Variants in MCF2L observed in about 807,000 individuals in gnomAD.
MCF2L encodes MCF.2 cell line derived transforming sequence like.
Under a neutral mutation model 153.4 loss-of-function variants are expected in MCF2L, and 97 were observed. The observed-to-expected ratio is 0.63, with a 90% CI of 0.54 to 0.75. MCF2L has a LOEUF of 0.75. Among genes scored for constraint, MCF2L ranks in the 30% least tolerant of loss-of-function variants. The pLI is 0.00. For synonymous variants in MCF2L, 659 were observed against 632.2 expected, an observed-to-expected ratio of 1.04 and a Z score of -0.64; for missense variants, 1,347 against 1,495.2, an observed-to-expected ratio of 0.90 and a Z score of 1.64.
At chr13:113,057,969 T>TTTGGGTGCTGAGTG (rs1437356467) in intron 4 of MCF2L, among the ~76,000 whole-genome samples, 1 of 130,062 alleles carries the variant, frequency 7.7e-6, no homozygotes, top group Non-Finnish European at 1.6e-5. Flanking sequence ...TTTGGCACTG[T>TTTGGGTGCTGAGTG]TTGGGTGCTG....
Position 113,027,398 on chromosome 13 carries a change from C to T in MCF2L, c.278+2640C>T, listed in dbSNP as rs1337686076. On this transcript the variant is annotated intron_variant, in intron 3 of 29. Transcript: ENST00000535094. This position sits in a 1 kb window ranked among gnomAD's most constrained non-coding sequence, Gnocchi z 4.8. ...GAGCTGGAGGAGCAGGGAGCCTCAC[C>T]GGTGGGCCTTTCGGGGGCAGGACGT... Among the ~76,000 whole-genome samples the T allele has an allele frequency of 2.0e-5, 3 of 151,736 alleles. No homozygotes were observed. The Middle Eastern group carries it at 0.01, about 516-fold the overall frequency.
chr13:112,962,340 C>G (rs2081841731), intron 2 of MCF2L, among the ~76,000 whole-genome samples: 1 of 152,254 alleles, frequency 6.6e-6, no homozygotes, highest in Non-Finnish European at 1.5e-5. Flanking sequence ...CCTGCACACA[C>G]ACATACAAAC....
At position 113,070,853 on chromosome 13, in the gene MCF2L, T is replaced by C. The variant is rs937802329; in HGVS notation, c.996+680T>C. 3.9e-5 allele frequency among the ~76,000 whole-genome samples: 6 copies of C among 152,228 alleles called. No individual in the cohort carries two copies. Among genetic ancestry groups the C allele is most frequent in the Admixed American group, 2.6e-4 (4 of 15,286 alleles). On this transcript the variant is annotated intron_variant, in intron 9 of 29. Transcript: ENST00000535094. The surrounding 1 kb of genome is among the most constrained non-coding windows in gnomAD (Gnocchi z 5.6). ...CACCTGTTGAAGGGTATCTGGGTTG[T>C]TTCCGGATTTGAGTATTACAGATAA...
chr13:113,075,222 C>T (rs762636866), intron 11 of MCF2L, 33 bp downstream of exon 11: 9 of 1,551,338 alleles, frequency 5.8e-6, no homozygotes, highest in South Asian at 2.4e-5. Flanking sequence ...CCACTCCCCC[C>T]CAGCTGCGGA....
At chr13:112,946,876 A>G (rs1031318949) in intron 2 of MCF2L, among the ~76,000 whole-genome samples, 1 of 152,178 alleles carries the variant, frequency 6.6e-6, no homozygotes, top group Non-Finnish European at 1.5e-5. Context: ...TAGGAAGCAC[A>G]CACAGGACAA....
intron 1 of MCF2L, among the ~76,000 whole-genome samples, chr13:112,975,359 T>C (rs2082178468): frequency 6.6e-6 from 1 of 152,238 alleles, no homozygotes; most frequent in Non-Finnish European, 1.5e-5. Context: ...TAGGTTAAAA[T>C]CACTGGTGCT....
At chr13:113,038,593 T>G (rs1313746211) in intron 3 of MCF2L, among the ~76,000 whole-genome samples, 1 of 152,218 alleles carries the variant, frequency 6.6e-6, no homozygotes, top group African/African-American at 2.4e-5. Flanking sequence ...ATAGATCGAA[T>G]GCAGTTCCCA....
chr13:113,078,556 C>T (rs755447205), intron 14 of MCF2L, 110 bp from the exon 15 acceptor site: 245 of 1,382,190 alleles, frequency 1.8e-4, no homozygotes, highest in Non-Finnish European at 2.4e-4. Flanking sequence ...AGCTCCCCAT[C>T]GTGGGAATTC....
At chr13:112,978,884 GC>G (rs2082302792) in intron 1 of MCF2L, among the ~76,000 whole-genome samples, 1 of 152,168 alleles carries the variant, frequency 6.6e-6, no homozygotes, top group African/African-American at 2.4e-5. Flanking sequence ...GAGGCCTGGA[GC>G]CCTGTGTGTG....
intron 1 of MCF2L, among the ~76,000 whole-genome samples, chr13:113,010,917 C>G (rs1566730853): frequency 6.6e-6 from 1 of 152,210 alleles, no homozygotes; most frequent in Non-Finnish European, 1.5e-5. Flanking sequence ...AACTGAGTGG[C>G]CACTATTGTT....
intron 29 of MCF2L, 25 bp from the exon 30 acceptor site, chr13:113,096,749 C>G (rs2035701670): frequency 2.6e-6 from 4 of 1,559,440 alleles, no homozygotes; most frequent in Non-Finnish European, 3.4e-6. Context: ...ACGCCGAAGC[C>G]CGTCCCCGCC....
intron 8 of MCF2L, among the ~76,000 whole-genome samples, chr13:113,066,913 C>A (rs76866090): frequency 0.012 from 1,882 of 152,314 alleles, 46 homozygotes; most frequent in African/African-American, 0.043. Context: ...CCTTTGACTC[C>A]CACGCAGCGT....
chr13:113,026,804 G>T, intron 3 of MCF2L: 1 of 616,902 alleles, frequency 1.6e-6, no homozygotes, highest in Non-Finnish European at 2.9e-6. Context: ...TTTTTGTTTT[G>T]TTCCAGACAG....
chr13:112,973,600 G>A (rs947655107), intron 1 of MCF2L, among the ~76,000 whole-genome samples: 2 of 152,212 alleles, frequency 1.3e-5, no homozygotes, highest in Non-Finnish European at 2.9e-5. Context: ...CAGCGCTCAG[G>A]CCTCCCAGCT....
intron 1 of MCF2L, among the ~76,000 whole-genome samples, chr13:112,986,766 C>T (rs1286008942): frequency 5.9e-5 from 9 of 152,244 alleles, no homozygotes; most frequent in African/African-American, 2.2e-4. Flanking sequence ...CTCAGTCCTG[C>T]AGCCGGGTCT....
At chr13:113,039,566 C>T (rs1468469155) in intron 3 of MCF2L, among the ~76,000 whole-genome samples, 1 of 152,156 alleles carries the variant, frequency 6.6e-6, no homozygotes, top group Non-Finnish European at 1.5e-5. Flanking sequence ...TTGCAATATG[C>T]ACATCCAATA....
In MCF2L at chr13:112,960,329, G is replaced by A. The variant is rs554703432; in HGVS notation, c.170-54434G>A. ...TCACAACTGAAACAGCGCTCGTCCA[G>A]TCATGAGGGCAGGGTCCTCAGACCT... On this transcript the variant is annotated intron_variant, in intron 2 of 29. Transcript: ENST00000375608. The surrounding 1 kb of genome is among the most constrained non-coding windows in gnomAD (Gnocchi z 4.2). Among the ~76,000 whole-genome samples, 1 of 152,324 alleles carries A rather than the reference G, an allele frequency of 6.6e-6. No individual in the cohort carries two copies. Among genetic ancestry groups the A allele is most frequent in the East Asian group, 1.9e-4 (1 of 5,166 alleles).
At chr13:113,085,642 C>T (rs942741204) in intron 20 of MCF2L, among the ~76,000 whole-genome samples, 2 of 151,084 alleles carry the variant, frequency 1.3e-5, no homozygotes, top group South Asian at 2.1e-4. Flanking sequence ...GAGGGGTTTG[C>T]ACCTGGCATC....
intron 2 of MCF2L, among the ~76,000 whole-genome samples, chr13:112,933,185 G>A (rs1399808326): frequency 6.6e-6 from 1 of 152,240 alleles, no homozygotes; most frequent in Admixed American, 6.5e-5. Context: ...CCCCGCAGGG[G>A]TTGGCTCCAG....
Sources: allele counts gnomAD v4.1 joint callset (sites outside exome capture counted in the v4.1 genomes callset), GRCh38; gene constraint gnomAD v4.1.1; non-coding constraint Gnocchi (gnomAD v3.1); transcripts MANE v1.5; gene names NCBI Gene and HGNC (gene_info 2026-07-23, HGNC 2026-07-21).